Variants in CFAP70 observed in about 807,000 individuals in gnomAD.
The protein encoded by CFAP70 is cilia- and flagella-associated protein 70.
CFAP70 carries 81 observed loss-of-function variants against 137.6 expected under a neutral mutation model. The observed-to-expected ratio is 0.59, with a 90% confidence interval of 0.49 to 0.71. CFAP70 has a LOEUF of 0.71. CFAP70 is among the 30% of genes least tolerant of loss of function. The pLI, the probability that CFAP70 is intolerant of heterozygous loss-of-function variation, is 0.00. For synonymous variants in CFAP70, 382 were observed against 423.6 expected (o/e 0.90, Z 1.20); for missense variants, 976 against 1,226.7 (o/e 0.80, Z 3.05).
In CFAP70 at chr10:73,305,461, AT is replaced by A. The variant is rs1175362528; in HGVS notation, c.1256+4696del. 6.4e-4 allele frequency among the ~76,000 whole-genome samples: 97 copies of A among 152,338 alleles called. 2 individuals are homozygous for A. Among genetic ancestry groups the A allele is most frequent in the South Asian group, 2.1e-4 (1 of 4,824 alleles). On this transcript the variant is annotated intron_variant, in intron 12 of 26. Transcript: ENST00000310715. ...CTTAAAGTTGACCAGAGAAAACCCT[AT>A]GCTTTCACCACTGATTGATCTACAG...
intron 7 of CFAP70, among the ~76,000 whole-genome samples, chr10:73,331,768 T>C (rs2052124639): frequency 6.6e-6 from 1 of 152,172 alleles, no homozygotes. Flanking sequence ...GCTCAACTTC[T>C]AGTGAGGCAA....
intron 10 of CFAP70, among the ~76,000 whole-genome samples, 179 bp downstream of exon 11, chr10:73,312,294 A>G (rs2049980542): frequency 2.0e-5 from 3 of 152,178 alleles, no homozygotes; most frequent in African/African-American, 7.2e-5. Flanking sequence ...GCAGCAAACC[A>G]CCATGGCACA....
At chr10:73,270,953 AT>A (rs889625238) in intron 24 of CFAP70, among the ~76,000 whole-genome samples, 1 of 152,172 alleles carries the variant, frequency 6.6e-6, no homozygotes. Flanking sequence ...ACATTGATTC[AT>A]TATTTAATCA....
rs774712446 is a variant in CFAP70, at chr10:73,274,344, C to T, written c.2835+89G>A. The T allele has an allele frequency of 1.8e-5, 24 of 1,356,596 alleles. 1 individual carries two copies. Among genetic ancestry groups the T allele is most frequent in the Admixed American group, 2.6e-5 (1 of 38,406 alleles). The allele number at this position is 1,356,596 out of a possible 1,614,324, so 84.0% of individuals were successfully genotyped here. ...ATGTAAAAGTGTCATTATTATATTA[C>T]TAGTTTTAGTCCACACAGATAGATG... is the stretch of plus-strand genomic sequence containing the variant. On this transcript the variant is annotated intron_variant, in intron 23 of 26. Transcript: ENST00000310715.
chr10:73,278,347 T>C lies in CFAP70; in HGVS notation c.2240-10A>G. On this transcript the variant is annotated splice_polypyrimidine_tract_variant and intron_variant, in intron 19 of 26. Coordinates refer to ENST00000310715, the Ensembl canonical transcript of CFAP70. ...AATGCAGCTCCTGGTCCTAAATAGA[T>C]TACATTTTAATGAAAAATAAAACTT... is the stretch of plus-strand genomic sequence containing the variant. 1 of 1,600,340 alleles carries C rather than the reference T, an allele frequency of 6.2e-7. No individual in the cohort carries two copies. Among genetic ancestry groups the C allele is most frequent in the Non-Finnish European group, 8.5e-7 (1 of 1,173,930 alleles).
intron 6 of CFAP70, among the ~76,000 whole-genome samples, chr10:73,339,016 T>C (rs1376539685): frequency 6.6e-6 from 1 of 151,894 alleles, no homozygotes; most frequent in Non-Finnish European, 1.5e-5. Flanking sequence ...ACCTCCAGGT[T>C]CAAGTGATTC....
chr10:73,310,961 C>T (rs2049863615), intron 11 of CFAP70, among the ~76,000 whole-genome samples: 2 of 152,148 alleles, frequency 1.3e-5, no homozygotes, highest in African/African-American at 4.8e-5. Flanking sequence ...GCCTGCAGCC[C>T]TACCCCACCT....
chr10:73,299,618 C>T, exon 13 of CFAP70: 1 of 1,613,360 alleles, frequency 6.2e-7, no homozygotes, highest in South Asian at 1.1e-5. Flanking sequence ...CTGAGCTCCT[C>T]CTGTCCGACG....
At chr10:73,279,805 C>G (rs1055871916) in intron 19 of CFAP70, among the ~76,000 whole-genome samples, 1 of 151,756 alleles carries the variant, frequency 6.6e-6, no homozygotes. Context: ...TTGCAGTGAG[C>G]CATGATTTTG....
chr10:73,275,831 T>A lies in CFAP70; in HGVS notation c.2521-233A>T. ...ACATTACCAAGTGAATAACTTGCAA[T>A]ATTGTACAATTCTGGTCTTGCTGGT... On this transcript the variant is annotated intron_variant, in intron 21 of 26. Transcript: ENST00000310715. The surrounding 1 kb of genome is among the most constrained non-coding windows in gnomAD (Gnocchi z 4.0). The A allele has an allele frequency of 5.3e-6, 2 of 375,438 alleles. No individual in the cohort carries two copies. Among genetic ancestry groups the A allele is most frequent in the Non-Finnish European group, 9.4e-6 (2 of 211,642 alleles). The allele number at this position is 375,438 out of a possible 1,614,324, so 23.3% of individuals were successfully genotyped here.
intron 19 of CFAP70, among the ~76,000 whole-genome samples, chr10:73,287,633 A>C (rs554621494): frequency 6.6e-6 from 1 of 152,318 alleles, no homozygotes; most frequent in Non-Finnish European, 1.5e-5. Context: ...GTGCTCCACC[A>C]AAATGAGGAA....
At chr10:73,255,247 T>G (rs985954737) in intron 26 of CFAP70, among the ~76,000 whole-genome samples, 3 of 152,044 alleles carry the variant, frequency 2.0e-5, no homozygotes, top group Admixed American at 6.6e-5. Context: ...ATACAAAAAA[T>G]TAGCTGGGGG....
At chr10:73,277,192 G>A (rs1403137980) in intron 21 of CFAP70, 48 bp downstream of exon 22, 2 of 1,577,044 alleles carry the variant, frequency 1.3e-6, no homozygotes, top group Non-Finnish European at 1.7e-6. Flanking sequence ...AGAATAAAGA[G>A]TTTGCTAAAA....
At chr10:73,278,459 G>C in intron 19 of CFAP70, 122 bp from the exon 21 acceptor site, 1 of 743,332 alleles carries the variant, frequency 1.3e-6, no homozygotes, top group Non-Finnish European at 2.1e-6. Context: ...ATGAAGGACA[G>C]ACTTGTTTGG....
chr10:73,292,427 TAAATA>T (rs954150135), intron 16 of CFAP70, among the ~76,000 whole-genome samples: 1 of 152,208 alleles, frequency 6.6e-6, no homozygotes, highest in Non-Finnish European at 1.5e-5. Context: ...AAAAATTGCT[TAAATA>T]AATTTAGAAA....
intron 14 of CFAP70, among the ~76,000 whole-genome samples, chr10:73,298,467 T>A (rs905796694): frequency 6.6e-6 from 1 of 152,172 alleles, no homozygotes; most frequent in African/African-American, 2.4e-5. Context: ...ATTAAATGTA[T>A]CCTAACTCAA....
chr10:73,315,105 T>C (rs913649725), intron 9 of CFAP70, among the ~76,000 whole-genome samples: 1 of 151,678 alleles, frequency 6.6e-6, no homozygotes, highest in East Asian at 2.0e-4. Flanking sequence ...TATAGTCCAG[T>C]TACTCAGGAG....
At chr10:73,291,827 G>A (rs768298539) in intron 17 of CFAP70, 54 bp downstream of exon 18, 34 of 1,613,056 alleles carry the variant, frequency 2.1e-5, no homozygotes, top group African/African-American at 5.3e-5. Flanking sequence ...ACAATTTCAC[G>A]TAGAAACTTA....
chr10:73,284,803 T>TATAA (rs2047560160), intron 19 of CFAP70, among the ~76,000 whole-genome samples: 1 of 94,654 alleles, frequency 1.1e-5, no homozygotes, highest in Non-Finnish European at 2.1e-5. Flanking sequence ...TATATATATA[T>TATAA]AAAAGTTGTT....
Sources: allele counts gnomAD v4.1 joint callset (sites outside exome capture counted in the v4.1 genomes callset), GRCh38; gene constraint gnomAD v4.1.1; non-coding constraint Gnocchi (gnomAD v3.1); transcripts MANE v1.5; gene names NCBI Gene and HGNC (gene_info 2026-07-23, HGNC 2026-07-21).